Variants in NPAS3 observed in about 807,000 individuals in gnomAD.
The protein encoded by NPAS3 is neuronal PAS domain protein 3.
NPAS3 carries 14 observed loss-of-function variants against 73.1 expected under a neutral mutation model. That is an observed-to-expected ratio of 0.19 (90% confidence interval 0.13 to 0.30). The LOEUF is 0.30. Among genes scored for constraint, NPAS3 ranks in the 10% least tolerant of loss-of-function variants. The probability of loss-of-function intolerance (pLI) is 1.00; values close to 1 mark genes in which losing one functional copy is unlikely to be tolerated. For synonymous variants in NPAS3, 620 were observed against 541.5 expected (o/e 1.14, Z -2.01); for missense variants, 1,096 against 1,250.0 (o/e 0.88, Z 1.86).
chr14:33,804,153 A>G (rs1256436935), downstream of NPAS3: 1 of 152,166 alleles, frequency 6.6e-6, no homozygotes, highest in Non-Finnish European at 1.5e-5. Context: ...TTTTCATAAT[A>G]AACTTCTCTT....
chr14:33,023,330 T>A (rs2039676536), intron 1 of NPAS3, among the ~76,000 whole-genome samples: 1 of 152,228 alleles, frequency 6.6e-6, no homozygotes, highest in Admixed American at 6.5e-5. Flanking sequence ...ACCTTACACT[T>A]GGATTCAATG....
intron 4 of NPAS3, among the ~76,000 whole-genome samples, chr14:33,445,654 C>A (rs1278734495): frequency 1.3e-5 from 2 of 152,230 alleles, no homozygotes; most frequent in African/African-American, 2.4e-5. Context: ...CCTTCAGTTT[C>A]AGACCCAGAG....
chr14:33,611,423 T>C (rs2057744063), intron 5 of NPAS3, among the ~76,000 whole-genome samples: 1 of 152,120 alleles, frequency 6.6e-6, no homozygotes, highest in Non-Finnish European at 1.5e-5. Flanking sequence ...CTTGGATGTT[T>C]CATGAGAAGA....
At chr14:33,316,148 T>C (rs2043199776) in intron 3 of NPAS3, among the ~76,000 whole-genome samples, 1 of 152,102 alleles carries the variant, frequency 6.6e-6, no homozygotes, top group African/African-American at 2.4e-5. Context: ...TCAGAGAAAA[T>C]GGAGCTCACT....
chr14:33,343,963 A>C (rs906824886), intron 3 of NPAS3, among the ~76,000 whole-genome samples: 1 of 152,206 alleles, frequency 6.6e-6, no homozygotes, highest in Non-Finnish European at 1.5e-5. Flanking sequence ...ATAGCTTTTA[A>C]GGAAATGTGA....
At chr14:33,450,879 A>AT in intron 4 of NPAS3, among the ~76,000 whole-genome samples, 1 of 152,334 alleles carries the variant, frequency 6.6e-6, no homozygotes, top group Non-Finnish European at 1.5e-5. Context: ...TTTTTACTAC[A>AT]TAAAAACTCA....
intron 4 of NPAS3, among the ~76,000 whole-genome samples, chr14:33,443,482 C>T (rs2049342296): frequency 6.6e-6 from 1 of 152,126 alleles, no homozygotes; most frequent in South Asian, 2.1e-4. Context: ...AACAAAAGAG[C>T]ACCAGTAGGG....
At chr14:33,487,355 GC>G (rs1159526349) in intron 4 of NPAS3, among the ~76,000 whole-genome samples, 2 of 152,068 alleles carry the variant, frequency 1.3e-5, no homozygotes, top group Non-Finnish European at 2.9e-5. Flanking sequence ...TATTTGATAA[GC>G]ATTTCAGGCA....
intron 4 of NPAS3, among the ~76,000 whole-genome samples, chr14:33,424,091 AG>A (rs1377854662): frequency 6.6e-6 from 1 of 151,976 alleles, no homozygotes; most frequent in African/African-American, 2.4e-5. Context: ...AATGCCCTCA[AG>A]GAGAGGCAAA....
Position 33,636,105 on chromosome 14 carries a change from A to T in NPAS3, c.559-40106A>T, listed in dbSNP as rs559290037. ...CTGGCTAATTTTGTATTTTTAGTAA[A>T]GACAGGGTTTCTCCACGTTAGTCAG... On this transcript the variant is annotated intron_variant, in intron 5 of 11. Transcript: ENST00000356141. Among the ~76,000 whole-genome samples the T allele has an allele frequency of 3.3e-5, 5 of 152,296 alleles. No homozygotes were observed. The South Asian group carries it at 1.0e-3, about 32-fold the overall frequency.
chr14:33,153,654 G>A (rs2044541121), intron 2 of NPAS3, among the ~76,000 whole-genome samples: 1 of 152,124 alleles, frequency 6.6e-6, no homozygotes, highest in Admixed American at 6.6e-5. Context: ...GGTCTCAGCA[G>A]CTGAGACCAG....
chr14:33,380,038 G>C (rs966437412), intron 4 of NPAS3, among the ~76,000 whole-genome samples: 1 of 132,434 alleles, frequency 7.6e-6, no homozygotes, highest in Non-Finnish European at 1.7e-5. Flanking sequence ...TGCACAAAGT[G>C]GGGGGGAAAA....
intron 4 of NPAS3, among the ~76,000 whole-genome samples, chr14:33,454,686 A>T (rs568999721): frequency 4.6e-5 from 7 of 152,278 alleles, no homozygotes; most frequent in South Asian, 2.1e-4. Context: ...TTTCTAATCT[A>T]GTTTCACCAC....
chr14:33,780,479 G>A (rs554816149), intron 9 of NPAS3, among the ~76,000 whole-genome samples: 36 of 152,294 alleles, frequency 2.4e-4, no homozygotes, highest in African/African-American at 7.9e-4. Flanking sequence ...TAGACCATGT[G>A]TGCAGAGGGA....
chr14:33,492,014 A>G (rs1047188423), intron 4 of NPAS3, among the ~76,000 whole-genome samples: 5 of 152,156 alleles, frequency 3.3e-5, no homozygotes, highest in South Asian at 2.1e-4. Context: ...AATTGGGTCA[A>G]TGAGGCTACA....
chr14:33,227,352 T>A (rs2047673270), intron 3 of NPAS3, among the ~76,000 whole-genome samples: 1 of 152,174 alleles, frequency 6.6e-6, no homozygotes, highest in African/African-American at 2.4e-5. Flanking sequence ...TACGAACAAC[T>A]CCAATTGGAA....
intron 3 of NPAS3, among the ~76,000 whole-genome samples, chr14:33,268,839 C>A (rs2040940891): frequency 6.6e-6 from 1 of 152,184 alleles, no homozygotes; most frequent in Non-Finnish European, 1.5e-5. Context: ...GTAATATTTT[C>A]TCTGTGCGTT....
At chr14:33,049,359 C>G (rs1347442511) in intron 1 of NPAS3, among the ~76,000 whole-genome samples, 2 of 152,120 alleles carry the variant, frequency 1.3e-5, no homozygotes, top group African/African-American at 4.8e-5. Flanking sequence ...TTTCATGCTG[C>G]TGATAAAGAC....
intron 4 of NPAS3, among the ~76,000 whole-genome samples, chr14:33,457,547 C>T (rs894846536): frequency 2.6e-5 from 4 of 152,158 alleles, no homozygotes; most frequent in East Asian, 1.9e-4. Context: ...GGACACATTC[C>T]CAGAAACTCA....
Sources: allele counts gnomAD v4.1 joint callset (sites outside exome capture counted in the v4.1 genomes callset), GRCh38; gene constraint gnomAD v4.1.1; transcripts MANE v1.5; gene names NCBI Gene and HGNC (gene_info 2026-07-23, HGNC 2026-07-21).